The following MINDY4 variants were observed in gnomAD, a reference collection of about 807,000 sequenced individuals.
The protein encoded by MINDY4 is MINDY lysine 48 deubiquitinase 4, also known as probable ubiquitin carboxyl-terminal hydrolase MINDY-4.
A neutral mutation model predicts 87.0 loss-of-function variants in MINDY4; 68 were observed. The ratio of observed to expected loss-of-function variants is 0.78; its 90% confidence interval spans 0.64 to 0.96. MINDY4 has a LOEUF of 0.96. Among genes scored for constraint, MINDY4 ranks in the 40% least tolerant of loss-of-function variants. The pLI, the probability that MINDY4 is intolerant of heterozygous loss-of-function variation, is 0.00. For missense variants in MINDY4, 919 were observed against 928.2 expected, an observed-to-expected ratio of 0.99 and a Z score of 0.13; for synonymous variants, 379 against 363.2, an observed-to-expected ratio of 1.04 and a Z score of -0.50.
At chr7:30,875,248 T>C (rs1266697055) in intron 14 of MINDY4, among the ~76,000 whole-genome samples, 1 of 152,194 alleles carries the variant, frequency 6.6e-6, no homozygotes, top group Non-Finnish European at 1.5e-5. Flanking sequence ...CTGTGAATGG[T>C]TGGTACTCAA....
intron 5 of MINDY4, among the ~76,000 whole-genome samples, chr7:30,798,654 G>T (rs1562534377): frequency 6.6e-6 from 1 of 152,108 alleles, no homozygotes; most frequent in Admixed American, 6.5e-5. Context: ...CCGCCACCAC[G>T]CCTGGCTAAT....
At chr7:30,891,113 C>G (rs775860965) in intron 17 of MINDY4, among the ~76,000 whole-genome samples, 1 of 152,180 alleles carries the variant, frequency 6.6e-6, no homozygotes, top group African/African-American at 2.4e-5. Flanking sequence ...GCCTCAAACT[C>G]TGCACTGTAG....
At chr7:30,860,627 C>T (rs1160331866) in intron 13 of MINDY4, among the ~76,000 whole-genome samples, 5 of 151,904 alleles carry the variant, frequency 3.3e-5, no homozygotes, top group Non-Finnish European at 5.9e-5. Flanking sequence ...CCCATCCATG[C>T]GGGGGCCCTC....
chr7:30,786,184 G>T (rs1021138099), intron 4 of MINDY4, 192 bp downstream of exon 4: 15 of 704,068 alleles, frequency 2.1e-5, no homozygotes, highest in Non-Finnish European at 3.4e-5. Context: ...CCTTGAGCAG[G>T]CCTCCTTTCC....
chr7:30,822,592 G>A (rs1788371488), intron 5 of MINDY4, among the ~76,000 whole-genome samples: 1 of 147,690 alleles, frequency 6.8e-6, no homozygotes, highest in African/African-American at 2.6e-5. Context: ...ATCCATTCGA[G>A]GTTTGCCCAT....
chr7:30,867,951 T>G (rs557847980), intron 13 of MINDY4, among the ~76,000 whole-genome samples: 1 of 152,262 alleles, frequency 6.6e-6, no homozygotes, highest in South Asian at 2.1e-4. Flanking sequence ...GCTTTCTAAG[T>G]GAAGACACAA....
rs771223301 is a variant in MINDY4, at chr7:30,875,530, G to A, written c.1845G>A (p.Val615=). Residue 615 remains valine (V), a synonymous_variant, in exon 15 of 18, where the codon GTG becomes GTA. Coordinates refer to ENST00000265299, the MANE Select transcript of MINDY4 (RefSeq NM_032222.3). ...ATCTGCTCCTGACTGGGAAAGCTGT[G>A]TCCAACGTTTTCAACGATGTGGTTG... is the stretch of plus-strand genomic sequence containing the variant. The part of the protein sequence containing the change: ...LVNLLLTGKA[V]SNVFNDVVEL... 2.5e-6 allele frequency: 4 copies of A among 1,614,204 alleles called. No homozygotes were observed. Among genetic ancestry groups the A allele is most frequent in the Middle Eastern group, 1.6e-4 (1 of 6,062 alleles).
chr7:30,870,945 G>C (rs745821267), intron 13 of MINDY4, among the ~76,000 whole-genome samples: 1 of 151,332 alleles, frequency 6.6e-6, no homozygotes, highest in Non-Finnish European at 1.5e-5. Context: ...CCAGGGTCGT[G>C]TGTGCCTCCC....
intron 15 of MINDY4, among the ~76,000 whole-genome samples, chr7:30,878,269 C>T (rs903360484): frequency 6.6e-6 from 1 of 152,184 alleles, no homozygotes; most frequent in Non-Finnish European, 1.5e-5. Flanking sequence ...CCAGGCTTCT[C>T]ACTGCAGCCT....
chr7:30,859,781 C>T (rs529835263), intron 13 of MINDY4, among the ~76,000 whole-genome samples: 14 of 152,268 alleles, frequency 9.2e-5, no homozygotes, highest in African/African-American at 2.2e-4. Flanking sequence ...GGTGAATGGG[C>T]GGTGGCCAGG....
At chr7:30,816,509 C>T (rs1788154502) in intron 5 of MINDY4, among the ~76,000 whole-genome samples, 1 of 152,204 alleles carries the variant, frequency 6.6e-6, no homozygotes, top group Non-Finnish European at 1.5e-5. Context: ...AGAACAATGG[C>T]TTAGGAGGCT....
chr7:30,830,573 G>A (rs1788671610), intron 6 of MINDY4, among the ~76,000 whole-genome samples: 1 of 152,116 alleles, frequency 6.6e-6, no homozygotes, highest in Non-Finnish European at 1.5e-5. Context: ...AGCAAAAGGG[G>A]GAAAAGTCCC....
intron 5 of MINDY4, among the ~76,000 whole-genome samples, chr7:30,820,584 C>G (rs1484468417): frequency 1.3e-5 from 2 of 152,180 alleles, no homozygotes; most frequent in Non-Finnish European, 2.9e-5. Flanking sequence ...TAAGCGGAAT[C>G]ATATAATATA....
intron 2 of MINDY4, 175 bp from the exon 3 acceptor site, chr7:30,781,802 G>A (rs1035758243): frequency 3.4e-5 from 20 of 582,652 alleles, no homozygotes; most frequent in East Asian, 8.5e-5. Context: ...CTCTGTGTCC[G>A]TACCCAACAT....
chr7:30,791,542 C>A lies in MINDY4; in HGVS notation c.1041C>A (p.Phe347Leu), dbSNP rs778689188. The A allele has an allele frequency of 1.9e-5, 31 of 1,613,314 alleles. No homozygotes were observed. The highest frequency in any genetic ancestry group is 2.5e-5 in the Non-Finnish European group (29 of 1,179,662). Residue 347 changes from phenylalanine to leucine, a missense_variant, in exon 5 of 18, where the codon TTC (phenylalanine) becomes TTA (leucine). Phe to Leu is a conservative substitution (Grantham distance 22). Coordinates refer to ENST00000265299, the MANE Select transcript of MINDY4 (RefSeq NM_032222.3). ...CCCAGGAGAGGCTGGAAAGAGCGTTCAAACGGCAGGGCAGCCAGCCCGCAC... is the reference window on the plus strand; with the variant it reads ...CCCAGGAGAGGCTGGAAAGAGCGTTAAAACGGCAGGGCAGCCAGCCCGCAC... ...RMTQERLERA[F>L]KRQGSQPAPV...
intron 4 of MINDY4, among the ~76,000 whole-genome samples, chr7:30,789,632 G>C (rs1385703261): frequency 6.6e-6 from 1 of 152,208 alleles, no homozygotes; most frequent in Non-Finnish European, 1.5e-5. Context: ...GGGATGTCCT[G>C]AGTGGCTTTG....
intron 5 of MINDY4, among the ~76,000 whole-genome samples, chr7:30,802,282 ACT>A (rs1271354468): frequency 2.0e-5 from 3 of 150,988 alleles, no homozygotes; most frequent in Non-Finnish European, 4.4e-5. Flanking sequence ...GGAGCTACTC[ACT>A]CTCACAGTTG....
At chr7:30,797,792 G>T (rs574428405) in intron 5 of MINDY4, among the ~76,000 whole-genome samples, 1 of 152,310 alleles carries the variant, frequency 6.6e-6, no homozygotes, top group East Asian at 1.9e-4. Flanking sequence ...AAGTGTGGAG[G>T]CAGGGAGACC....
chr7:30,889,461 C>T (rs1263811968), intron 17 of MINDY4, among the ~76,000 whole-genome samples: 1 of 152,192 alleles, frequency 6.6e-6, no homozygotes, highest in Non-Finnish European at 1.5e-5. Context: ...AGGACATCAT[C>T]AGACTCCACC....
Sources: gnomAD v4.1 joint callset for allele counts (sites outside exome capture counted in the v4.1 genomes callset) on GRCh38, gnomAD v4.1.1 for gene constraint, MANE v1.5 for transcripts, NCBI Gene and HGNC (gene_info 2026-07-23, HGNC 2026-07-21) for gene names.